PCDH11X: variants seen among roughly 807,000 people sequenced by gnomAD.
PCDH11X encodes the protein protocadherin-11 X-linked.
Under a neutral mutation model 53.3 loss-of-function variants are expected in PCDH11X, and 18 were observed. That is an observed-to-expected ratio of 0.34 (90% CI 0.23 to 0.50). The LOEUF is 0.50. Ranked by LOEUF, PCDH11X falls within the 20% of genes least tolerant of loss-of-function variation. The pLI is 0.98. For missense variants in PCDH11X, 570 were observed against 1,032.4 expected (o/e 0.55, Z 6.14); for synonymous variants, 279 against 393.3 (o/e 0.71, Z 3.44).
intron 6 of PCDH11X, among the ~76,000 whole-genome samples, chrX:92,179,639 C>A (rs779308826): frequency 8.9e-6 from 1 of 111,984 alleles, no homozygotes; most frequent in East Asian, 2.8e-4. Flanking sequence ...GTGCTTATTT[C>A]TTTGCGTATA....
intron 6 of PCDH11X, among the ~76,000 whole-genome samples, chrX:92,075,488 T>A (rs1224313761): frequency 1.8e-5 from 2 of 111,296 alleles, no homozygotes; most frequent in African/African-American, 6.5e-5. Flanking sequence ...GGATTTTTAT[T>A]TGAATGAACA....
chrX:92,285,730 C>G (rs1435908103), intron 8 of PCDH11X, among the ~76,000 whole-genome samples: 1 of 110,983 alleles, frequency 9.0e-6, no homozygotes, highest in Non-Finnish European at 1.9e-5. Context: ...GAGACCAGCT[C>G]GGTCATGGAG....
At chrX:92,148,069 T>TCCCTCCCTTC (rs1569389092) in intron 6 of PCDH11X, among the ~76,000 whole-genome samples, 8 of 8,544 alleles carry the variant, frequency 9.4e-4, no homozygotes, top group African/African-American at 3.2e-3. Context: ...TTTCTTTCTT[T>TCCCTCCCTTC]CTTTCTTTCT....
chrX:92,042,127 G>A (rs1191224999), intron 6 of PCDH11X, among the ~76,000 whole-genome samples: 2 of 110,763 alleles, frequency 1.8e-5, no homozygotes. Context: ...ATAAGAATAC[G>A]AGTGTGAATA....
At chrX:92,088,670 C>T (rs1291105801) in intron 6 of PCDH11X, among the ~76,000 whole-genome samples, 1 of 111,738 alleles carries the variant, frequency 8.9e-6, no homozygotes, top group Non-Finnish European at 1.9e-5. Flanking sequence ...TAGGGATCTC[C>T]CTACTGTAAA....
chrX:91,919,220 G>T (rs1206255526), intron 6 of PCDH11X, among the ~76,000 whole-genome samples: 1 of 111,179 alleles, frequency 9.0e-6, no homozygotes, highest in Non-Finnish European at 1.9e-5. Flanking sequence ...TCTCAGGTGA[G>T]CCAATCACTA....
chrX:91,839,863 T>C lies in PCDH11X; in HGVS notation c.540+3819T>C, dbSNP rs1298836545. 2.7e-5 allele frequency among the ~76,000 whole-genome samples: 3 copies of C among 111,335 alleles called. No individual in the cohort carries two copies. The Admixed American group carries it at 2.9e-4, about 11-fold the overall frequency. On this transcript the variant is annotated intron_variant, in intron 5 of 10. Transcript: ENST00000682573. ...TTTGAAAGCTTCTCTTTTCTCTCTT[T>C]CAAGTAAAATCATACTGCAATGCTA... is the stretch of plus-strand genomic sequence containing the variant.
intron 1 of PCDH11X, among the ~76,000 whole-genome samples, chrX:91,786,860 T>C (rs1328770100): frequency 1.8e-5 from 2 of 111,093 alleles, no homozygotes; most frequent in Non-Finnish European, 3.8e-5. Context: ...TGAGTATATG[T>C]TGTCAAAGTT....
chrX:92,221,840 G>T (rs914803957), intron 7 of PCDH11X, among the ~76,000 whole-genome samples: 1 of 95,879 alleles, frequency 1.0e-5, no homozygotes, highest in Non-Finnish European at 2.1e-5. Flanking sequence ...TTCTTAAATA[G>T]ATTTTTTTTT....
At chrX:92,291,136 C>G (rs915754365) in intron 8 of PCDH11X, among the ~76,000 whole-genome samples, 2 of 107,050 alleles carry the variant, frequency 1.9e-5, no homozygotes, top group Non-Finnish European at 3.8e-5. Context: ...TCTGGAACTC[C>G]TGGGCTCAAA....
chrX:92,116,644 A>C (rs2064643911), intron 6 of PCDH11X, among the ~76,000 whole-genome samples: 1 of 111,154 alleles, frequency 9.0e-6, no homozygotes, highest in Non-Finnish European at 1.9e-5. Context: ...TGGAGTGCAG[A>C]GGCACAATCA....
chrX:91,907,443 G>GAGAGA (rs1941223447), intron 6 of PCDH11X, among the ~76,000 whole-genome samples: 2 of 23,715 alleles, frequency 8.4e-5, no homozygotes, highest in African/African-American at 3.3e-4. Flanking sequence ...AGAGAGAGAG[G>GAGAGA]CTGACATAAA....
In PCDH11X at chrX:92,412,509, G is replaced by GTATA. The variant is rs748836273; in HGVS notation, c.3343+24619_3343+24622dup. 1.8e-3 allele frequency among the ~76,000 whole-genome samples: 113 copies of GTATA among 64,328 alleles called. 2 individuals are homozygous for GTATA. The highest frequency in any genetic ancestry group is 2.4e-3 in the Non-Finnish European group (76 of 31,803). The allele number at this position is 64,328 out of a possible 115,157, so 55.9% of individuals were successfully genotyped here. On this transcript the variant is annotated intron_variant, in intron 9 of 10. Transcript: ENST00000682573. Reference sequence around the variant, plus strand: ...TTTGATGATCAAAATAAAGAAAATAGTATATATATATATATATATATATAT... The same window carrying GTATA: ...TTTGATGATCAAAATAAAGAAAATAGTATATATATATATATATATATATATATAT...
chrX:92,008,490 G>A (rs1235621347), intron 6 of PCDH11X, among the ~76,000 whole-genome samples: 1 of 111,177 alleles, frequency 9.0e-6, no homozygotes, highest in East Asian at 2.8e-4. Flanking sequence ...GTCCAGAGAA[G>A]CTCTCTGCAC....
chrX:91,985,203 A>G (rs2062209550), intron 6 of PCDH11X, among the ~76,000 whole-genome samples: 2 of 112,292 alleles, frequency 1.8e-5, no homozygotes, highest in South Asian at 3.6e-4. Context: ...TAGGTTTTAC[A>G]TGCTTAAAGT....
At chrX:92,074,753 C>T (rs1468005519) in intron 6 of PCDH11X, among the ~76,000 whole-genome samples, 1 of 111,701 alleles carries the variant, frequency 9.0e-6, no homozygotes, top group African/African-American at 3.2e-5. Context: ...TTTTTCTTAC[C>T]CAATATTTAA....
At chrX:91,964,093 G>T (rs988637611) in intron 6 of PCDH11X, among the ~76,000 whole-genome samples, 3 of 106,178 alleles carry the variant, frequency 2.8e-5, no homozygotes, top group African/African-American at 1.1e-4. Flanking sequence ...TAAATTTAGG[G>T]GCAAATTTAA....
intron 6 of PCDH11X, among the ~76,000 whole-genome samples, chrX:92,131,358 G>T (rs1051377399): frequency 3.0e-4 from 33 of 111,357 alleles, no homozygotes; most frequent in Non-Finnish European, 6.2e-4. Flanking sequence ...TGTTAAGGAG[G>T]ATTTACTTAC....
chrX:92,278,220 G>A (rs1055735482), intron 8 of PCDH11X, among the ~76,000 whole-genome samples: 3 of 111,828 alleles, frequency 2.7e-5, no homozygotes, highest in African/African-American at 9.8e-5. Flanking sequence ...GCCGCTTACC[G>A]GATTTGAAAT....
Sources: allele counts gnomAD v4.1 joint callset (sites outside exome capture counted in the v4.1 genomes callset), GRCh38; gene constraint gnomAD v4.1.1; transcripts MANE v1.5; gene names NCBI Gene and HGNC (gene_info 2026-07-23, HGNC 2026-07-21).